Variants in CNTNAP2 observed in about 807,000 individuals in gnomAD.
The protein encoded by CNTNAP2 is contactin associated protein 2, also known as contactin-associated protein-like 2.
In CNTNAP2, 98 loss-of-function variants were observed where a neutral mutation model predicts 155.2. The ratio of observed to expected loss-of-function variants is 0.63; its 90% CI spans 0.54 to 0.75. CNTNAP2 has a LOEUF of 0.75. Ranked by LOEUF, CNTNAP2 falls within the 30% of genes least tolerant of loss-of-function variation. The pLI is 0.00. For synonymous variants in CNTNAP2, 651 were observed against 631.2 expected (o/e 1.03, Z -0.47); for missense variants, 1,727 against 1,688.1 (o/e 1.02, Z -0.40).
chr7:147,485,022 G>A (rs1798486851), intron 10 of CNTNAP2, among the ~76,000 whole-genome samples: 1 of 152,086 alleles, frequency 6.6e-6, no homozygotes, highest in Non-Finnish European at 1.5e-5. Context: ...TTGATGGGAG[G>A]GATGAGTGGA....
At chr7:148,283,309 AAGGAAGG>A (rs369609336) in intron 21 of CNTNAP2, among the ~76,000 whole-genome samples, 3,381 of 72,984 alleles carry the variant, frequency 0.046, 116 homozygotes, top group South Asian at 0.059. Flanking sequence ...GAAAGAAAGG[AAGGAAGG>A]AAGGAAAGAA....
rs143640722 is a variant in CNTNAP2, at chr7:147,314,091, T to C, written c.1498+13801T>C. On this transcript the variant is annotated intron_variant, in intron 9 of 23. Transcript: ENST00000361727. Reference sequence around the variant, plus strand: ...TCTGTTATTGGTGTATAAGAATGCATGTGATTTTTGTACATTGATTTTGTA... The same window carrying C: ...TCTGTTATTGGTGTATAAGAATGCACGTGATTTTTGTACATTGATTTTGTA... Among the ~76,000 whole-genome samples, 554 of 152,296 alleles carry C rather than the reference T, an allele frequency of 3.6e-3. 3 individuals carry two copies. Among genetic ancestry groups the C allele is most frequent in the African/African-American group, 0.013 (539 of 41,578 alleles).
chr7:146,292,314 G>A (rs1193702669), intron 1 of CNTNAP2, among the ~76,000 whole-genome samples: 1 of 152,116 alleles, frequency 6.6e-6, no homozygotes, highest in African/African-American at 2.4e-5. Context: ...GAGGATAATG[G>A]CTTCCAGCTC....
intron 18 of CNTNAP2, among the ~76,000 whole-genome samples, chr7:148,208,695 A>G (rs1795494859): frequency 6.6e-6 from 1 of 152,310 alleles, no homozygotes; most frequent in South Asian, 2.1e-4. Flanking sequence ...TCAGGCCAAA[A>G]TCAATGATTA....
At chr7:146,363,984 C>T (rs963504594) in intron 1 of CNTNAP2, among the ~76,000 whole-genome samples, 2 of 151,972 alleles carry the variant, frequency 1.3e-5, no homozygotes, top group African/African-American at 4.8e-5. Context: ...GGAAGAGGGA[C>T]ATTCTTTGAT....
intron 1 of CNTNAP2, among the ~76,000 whole-genome samples, chr7:146,141,794 G>A (rs891461798): frequency 2.0e-5 from 3 of 151,964 alleles, no homozygotes; most frequent in East Asian, 1.9e-4. Context: ...TGTAAGACAC[G>A]CATCATTCCA....
At chr7:148,025,971 T>C (rs141557902) in intron 15 of CNTNAP2, among the ~76,000 whole-genome samples, 6 of 152,270 alleles carry the variant, frequency 3.9e-5, no homozygotes, top group African/African-American at 1.4e-4. Flanking sequence ...ACAATCTCCT[T>C]CTTAAAATTG....
intron 11 of CNTNAP2, among the ~76,000 whole-genome samples, chr7:147,550,979 A>C (rs760204772): frequency 3.3e-5 from 5 of 152,220 alleles, no homozygotes; most frequent in Non-Finnish European, 7.3e-5. Flanking sequence ...TTCCCATAGA[A>C]TTTAAATATT....
At chr7:148,137,840 G>T (rs1804991028) in intron 16 of CNTNAP2, among the ~76,000 whole-genome samples, 1 of 152,176 alleles carries the variant, frequency 6.6e-6, no homozygotes. Context: ...TACTGCAAAT[G>T]CACTGTAGTT....
intron 1 of CNTNAP2, among the ~76,000 whole-genome samples, chr7:146,351,767 A>C (rs1032999930): frequency 6.6e-6 from 1 of 152,214 alleles, no homozygotes; most frequent in African/African-American, 2.4e-5. Flanking sequence ...AAGTTCTTCT[A>C]AACTTTATTG....
intron 1 of CNTNAP2, among the ~76,000 whole-genome samples, chr7:146,581,806 T>C (rs1798615256): frequency 6.6e-6 from 1 of 152,144 alleles, no homozygotes; most frequent in African/African-American, 2.4e-5. Context: ...GAGGAAATCA[T>C]GCTTCCAAGT....
chr7:147,934,354 T>C (rs145579897), intron 14 of CNTNAP2, among the ~76,000 whole-genome samples: 11 of 152,276 alleles, frequency 7.2e-5, no homozygotes, highest in Non-Finnish European at 1.6e-4. Flanking sequence ...AAGTCAAGTC[T>C]TACTTGGATG....
intron 8 of CNTNAP2, among the ~76,000 whole-genome samples, chr7:147,150,860 G>A (rs1801811731): frequency 6.6e-6 from 1 of 152,112 alleles, no homozygotes. Flanking sequence ...TGACTATTGA[G>A]GGGAGATGGA....
At chr7:146,552,637 T>A (rs936910280) in intron 1 of CNTNAP2, among the ~76,000 whole-genome samples, 1 of 152,048 alleles carries the variant, frequency 6.6e-6, no homozygotes. Flanking sequence ...CCCTAACGAC[T>A]TTCCTTCTCT....
intron 1 of CNTNAP2, among the ~76,000 whole-genome samples, chr7:146,718,875 A>C (rs1013285417): frequency 1.3e-5 from 2 of 152,080 alleles, no homozygotes; most frequent in African/African-American, 4.8e-5. Context: ...CGTGTTCCTA[A>C]TATGCCAAAG....
chr7:147,345,675 A>G (rs1360742300), intron 9 of CNTNAP2, among the ~76,000 whole-genome samples: 2 of 97,946 alleles, frequency 2.0e-5, no homozygotes, highest in African/African-American at 9.5e-5. Flanking sequence ...AAAGCTGGTC[A>G]GTGATAGTTT....
intron 9 of CNTNAP2, among the ~76,000 whole-genome samples, chr7:147,359,929 A>G (rs1796119661): frequency 6.6e-6 from 1 of 152,182 alleles, no homozygotes; most frequent in Admixed American, 6.6e-5. Context: ...TGTTTTTTAT[A>G]AACAACATAA....
intron 3 of CNTNAP2, among the ~76,000 whole-genome samples, chr7:146,958,165 C>T (rs1336621906): frequency 1.3e-5 from 2 of 152,046 alleles, no homozygotes; most frequent in African/African-American, 2.4e-5. Context: ...AATGGCACCT[C>T]AGGAAGGTGC....
intron 8 of CNTNAP2, among the ~76,000 whole-genome samples, chr7:147,181,949 A>T (rs528508749): frequency 4.9e-4 from 74 of 151,996 alleles, no homozygotes; most frequent in African/African-American, 1.7e-3. Flanking sequence ...ACATGGTGAA[A>T]CCCCGTCCAT....
Sources: allele counts gnomAD v4.1 joint callset (sites outside exome capture counted in the v4.1 genomes callset), GRCh38; gene constraint gnomAD v4.1.1; transcripts MANE v1.5; gene names NCBI Gene and HGNC (gene_info 2026-07-23, HGNC 2026-07-21).